Variants in CHST8 observed in about 807,000 individuals in gnomAD.
CHST8 encodes GALNAC-4-ST1.
Under a neutral mutation model 15.0 loss-of-function variants are expected in CHST8, and 10 were observed. The observed-to-expected ratio is 0.67, with a 90% CI of 0.41 to 1.13. The LOEUF (loss-of-function observed/expected upper bound fraction) is 1.13. Ranked by LOEUF, CHST8 falls within the 50% of genes most tolerant of loss-of-function variation. The probability of loss-of-function intolerance (pLI) is 0.00; values close to 1 mark genes in which losing one functional copy is unlikely to be tolerated. For missense variants in CHST8, 634 were observed against 608.2 expected, an observed-to-expected ratio of 1.04 and a Z score of -0.45; for synonymous variants, 259 against 256.6, an observed-to-expected ratio of 1.01 and a Z score of -0.09.
chr19:33,652,309 T>G (rs1292452434), intron 1 of CHST8, among the ~76,000 whole-genome samples: 5 of 151,750 alleles, frequency 3.3e-5, no homozygotes, highest in African/African-American at 9.7e-5. Context: ...AAAGTGTCCC[T>G]CTAGTAAGTT....
chr19:33,654,539 G>A (rs1972486052), intron 1 of CHST8, among the ~76,000 whole-genome samples: 1 of 151,974 alleles, frequency 6.6e-6, no homozygotes, highest in Non-Finnish European at 1.5e-5. Flanking sequence ...TGTTTCTGCT[G>A]GGAGCCTCCA....
At chr19:33,701,174 A>G (rs986101794) in intron 3 of CHST8, among the ~76,000 whole-genome samples, 1 of 151,958 alleles carries the variant, frequency 6.6e-6, no homozygotes, top group African/African-American at 2.4e-5. Flanking sequence ...TCTCAGTTCA[A>G]GCCTCTCTCA....
chr19:33,733,791 C>A (rs1485545001), intron 3 of CHST8, among the ~76,000 whole-genome samples: 5 of 152,174 alleles, frequency 3.3e-5, no homozygotes, highest in African/African-American at 1.2e-4. Context: ...AGAGCTGGAA[C>A]TTCCTACATA....
At chr19:33,727,315 G>A (rs1456005090) in intron 3 of CHST8, among the ~76,000 whole-genome samples, 1 of 152,246 alleles carries the variant, frequency 6.6e-6, no homozygotes, top group African/African-American at 2.4e-5. Flanking sequence ...GCCGACCCAG[G>A]AGGCTGAACC....
intron 3 of CHST8, among the ~76,000 whole-genome samples, chr19:33,709,023 T>G (rs7248862): frequency 0.029 from 4,388 of 152,302 alleles, 150 homozygotes; most frequent in African/African-American, 0.081. Context: ...AATTTAATTT[T>G]GGGATCATTC....
At chr19:33,640,420 T>A (rs921135231) in intron 1 of CHST8, among the ~76,000 whole-genome samples, 1 of 152,180 alleles carries the variant, frequency 6.6e-6, no homozygotes, top group African/African-American at 2.4e-5. Context: ...GGTCTGTCCG[T>A]TCCTGTTCCA....
intron 1 of CHST8, among the ~76,000 whole-genome samples, chr19:33,660,793 C>G (rs556739174): frequency 6.6e-6 from 1 of 152,224 alleles, no homozygotes; most frequent in Non-Finnish European, 1.5e-5. Flanking sequence ...TTGTCAACAG[C>G]CAGTGCCTTG....
chr19:33,649,616 G>A (rs1286694803), intron 1 of CHST8, among the ~76,000 whole-genome samples: 3 of 152,226 alleles, frequency 2.0e-5, no homozygotes, highest in South Asian at 2.1e-4. Context: ...CGTTACATGC[G>A]TCCCATGTTT....
At chr19:33,654,771 G>T (rs1453502503) in intron 1 of CHST8, among the ~76,000 whole-genome samples, 1 of 152,040 alleles carries the variant, frequency 6.6e-6, no homozygotes, top group Non-Finnish European at 1.5e-5. Flanking sequence ...CTAGCTTTGT[G>T]CAGTAACTCA....
At chr19:33,737,133 C>T (rs572157464) in intron 3 of CHST8, among the ~76,000 whole-genome samples, 30 of 152,328 alleles carry the variant, frequency 2.0e-4, no homozygotes, top group African/African-American at 6.7e-4. Context: ...TCCAGAAAAA[C>T]TCATTAATAA....
chr19:33,698,399 AAAAG>A (rs3073654), intron 3 of CHST8, among the ~76,000 whole-genome samples: 20,271 of 135,472 alleles, frequency 0.15, 1,293 homozygotes, highest in Middle Eastern at 0.28. Flanking sequence ...AAAAAAAAAA[AAAAG>A]AAAGAAAGAA....
intron 3 of CHST8, among the ~76,000 whole-genome samples, chr19:33,752,570 G>C (rs1345317557): frequency 6.6e-6 from 1 of 152,160 alleles, no homozygotes; most frequent in Non-Finnish European, 1.5e-5. Context: ...GTTTTAGGCA[G>C]TTCCCCGGGG....
chr19:33,646,184 A>G (rs947596191), intron 1 of CHST8, among the ~76,000 whole-genome samples: 1 of 152,140 alleles, frequency 6.6e-6, no homozygotes, highest in African/African-American at 2.4e-5. Flanking sequence ...TTGGGAGATA[A>G]ATTCTTAACC....
At chr19:33,717,360 C>G (rs985966930) in intron 3 of CHST8, among the ~76,000 whole-genome samples, 4 of 151,964 alleles carry the variant, frequency 2.6e-5, no homozygotes, top group African/African-American at 9.7e-5. Context: ...TCTCAGGAGG[C>G]TGAGACAGGA....
At chr19:33,726,122 T>C (rs566181089) in intron 3 of CHST8, among the ~76,000 whole-genome samples, 5 of 152,244 alleles carry the variant, frequency 3.3e-5, no homozygotes, top group South Asian at 4.2e-4. Flanking sequence ...CAGAAGGCCC[T>C]CAGGCCACTG....
chr19:33,757,498 GAA>G (rs1974602909), intron 3 of CHST8, among the ~76,000 whole-genome samples: 2 of 47,134 alleles, frequency 4.2e-5, no homozygotes, highest in Non-Finnish European at 8.6e-5. Context: ...AAGAAAGAAA[GAA>G]AGAAAGAAAG....
intron 3 of CHST8, among the ~76,000 whole-genome samples, chr19:33,701,148 C>G (rs1973327103): frequency 6.6e-6 from 1 of 152,136 alleles, no homozygotes; most frequent in African/African-American, 2.4e-5. Flanking sequence ...TGGACCCTGT[C>G]TCTGCAGTGA....
At chr19:33,764,164 A>G (rs571857792) in intron 3 of CHST8, among the ~76,000 whole-genome samples, 12 of 152,234 alleles carry the variant, frequency 7.9e-5, no homozygotes, top group Non-Finnish European at 1.8e-4. Context: ...CAGTCCAGAA[A>G]GCACCAGCCT....
intron 1 of CHST8, among the ~76,000 whole-genome samples, chr19:33,650,629 T>C (rs548333938): frequency 2.8e-4 from 40 of 143,556 alleles, no homozygotes; most frequent in African/African-American, 9.0e-4. Flanking sequence ...CCTCCCAGGT[T>C]CAAACCATTC....
Sources: gnomAD v4.1 joint callset for allele counts (sites outside exome capture counted in the v4.1 genomes callset) on GRCh38, gnomAD v4.1.1 for gene constraint, MANE v1.5 for transcripts, NCBI Gene and HGNC (gene_info 2026-07-23, HGNC 2026-07-21) for gene names.